The following EBI3 variants were observed in gnomAD, a reference collection of about 807,000 sequenced individuals.
EBI3 encodes the protein Epstein-Barr virus induced 3.
Under a neutral mutation model 21.3 loss-of-function variants are expected in EBI3, and 19 were observed. The ratio of observed to expected loss-of-function variants is 0.89; its 90% CI spans 0.62 to 1.31. The LOEUF (loss-of-function observed/expected upper bound fraction) is 1.31. EBI3 is among the 50% of genes most tolerant of loss of function. The probability of loss-of-function intolerance (pLI) is 0.00; values close to 1 mark genes in which losing one functional copy is unlikely to be tolerated. For synonymous variants in EBI3, 154 were observed against 131.2 expected (o/e 1.17, Z -1.19); for missense variants, 331 against 314.0 (o/e 1.05, Z -0.41).
chr19:4,231,333 C>A lies in EBI3; in HGVS notation c.200+10C>A. ...TCATTGCCACGTACAGGTCGGAGAG[C>A]CTGGAAGGGGGCCTCAGGGACACTG... On this transcript the variant is annotated intron_variant, in intron 2 of 4. Transcript: ENST00000221847. 4 of 1,598,260 alleles carry A rather than the reference C, an allele frequency of 2.5e-6. No homozygotes were observed. The highest frequency in any genetic ancestry group is 1.8e-5 in the Admixed American group (1 of 55,548).
chr19:4,230,540 C>G (rs1017967480), intron 1 of EBI3, among the ~76,000 whole-genome samples: 2 of 151,668 alleles, frequency 1.3e-5, no homozygotes, highest in Non-Finnish European at 1.5e-5. Flanking sequence ...CCACTGCATT[C>G]CAGCCTAGGT....
chr19:4,234,245 C>G (rs116574002), intron 3 of EBI3, among the ~76,000 whole-genome samples: 1 of 152,154 alleles, frequency 6.6e-6, no homozygotes, highest in African/African-American at 2.4e-5. Context: ...GCGGCCACTG[C>G]CATTCCTGCA....
At chr19:4,232,266 GA>G (rs1204554070) in intron 2 of EBI3, among the ~76,000 whole-genome samples, 1 of 115,826 alleles carries the variant, frequency 8.6e-6, no homozygotes, top group Non-Finnish European at 1.8e-5. Context: ...GAAAAGAAAA[GA>G]AAAGAAAAAA....
intron 1 of EBI3, 109 bp downstream of exon 1, chr19:4,229,726 G>A: frequency 8.7e-7 from 1 of 1,147,440 alleles, no homozygotes; most frequent in Non-Finnish European, 1.2e-6. Context: ...GTGCCCAATG[G>A]TGGGATGGGG....
chr19:4,232,551 C>A (rs10402128), intron 2 of EBI3, among the ~76,000 whole-genome samples: 17,177 of 150,642 alleles, frequency 0.11, 1,477 homozygotes, highest in South Asian at 0.31. Flanking sequence ...GACCCCCCCC[C>A]ATCTGTAGAA....
rs766590482 is a variant in EBI3, at chr19:4,233,234, C to T, written c.306C>T (p.Tyr102=). The T allele has an allele frequency of 3.1e-5, 50 of 1,611,544 alleles. No homozygotes were observed. Among genetic ancestry groups the T allele is most frequent in the African/African-American group, 9.4e-5 (7 of 74,826 alleles). The change falls in exon 3 of 5, where the codon TAC becomes TAT. Residue 102 remains tyrosine, a synonymous_variant. Coordinates refer to ENST00000221847, the MANE Select transcript of EBI3 (RefSeq NM_005755.3). ...TDVQLFSMAP[Y]VLNVTAVHPW... is the part of the protein sequence containing the mutation. ...TCCAGCTGTTCTCCATGGCTCCCTA[C>T]GTGCTCAATGTCACCGCCGTCCACC...
chr19:4,233,027 C>T lies in EBI3; in HGVS notation c.201-102C>T. ...CGGGATCCCCATCCGCTGCCCCCTC[C>T]TGTTCCTGCCTCTCCTTGGGGTCCC... On this transcript the variant is annotated intron_variant, in intron 2 of 4. Coordinates refer to ENST00000221847, the MANE Select transcript of EBI3 (RefSeq NM_005755.3). The T allele has an allele frequency of 3.0e-6, 4 of 1,336,224 alleles. No homozygotes were observed. In the South Asian group the frequency reaches 6.5e-5, roughly 22 times the overall value. 82.8% of individuals were successfully genotyped at this position (1,336,224 alleles called of 1,614,324 possible). A position where few individuals can be genotyped will look rare whatever the true frequency, so the allele number is the denominator to read the frequency against.
At chr19:4,230,833 C>T (rs556744428) in intron 1 of EBI3, among the ~76,000 whole-genome samples, 1 of 151,352 alleles carries the variant, frequency 6.6e-6, no homozygotes, top group South Asian at 2.1e-4. Context: ...GCCGAGATCT[C>T]GCCACTGCAC....
At chr19:4,230,203 T>A (rs1298530421) in intron 1 of EBI3, among the ~76,000 whole-genome samples, 1 of 152,102 alleles carries the variant, frequency 6.6e-6, no homozygotes, top group Non-Finnish European at 1.5e-5. Flanking sequence ...GGATGACAGA[T>A]GTGAGCCACC....
At chr19:4,231,923 A>G (rs976445026) in intron 2 of EBI3, among the ~76,000 whole-genome samples, 1 of 151,326 alleles carries the variant, frequency 6.6e-6, no homozygotes, top group Admixed American at 6.6e-5. Context: ...TCTAAAAACA[A>G]TTTTTAAAAT....
At chr19:4,231,817 A>T (rs1970786243) in intron 2 of EBI3, among the ~76,000 whole-genome samples, 1 of 151,436 alleles carries the variant, frequency 6.6e-6, no homozygotes. Context: ...ACAGTGGCAC[A>T]TGCCTGTAAT....
Position 4,233,136 on chromosome 19 carries a change from A to C in EBI3, c.208A>C (p.Met70Leu), listed in dbSNP as rs368907016. ...VSFIATYRLG[M>L]AARGHSWPCL... ...GAGCCCCACCCTGTGCAGGCTCGGC[A>C]TGGCTGCCCGGGGCCACAGCTGGCC... The change falls in exon 3 of 5, where the codon ATG (methionine) becomes CTG (leucine). Residue 70 changes from methionine (M) to leucine (L), a missense_variant. Met to Leu is a conservative substitution (Grantham distance 15, BLOSUM62 2). Transcript: ENST00000221847. The C allele has an allele frequency of 7.5e-6, 12 of 1,593,890 alleles. No individual in the cohort carries two copies. The African/African-American group carries it at 9.4e-5, about 12-fold the overall frequency.
Position 4,231,112 on chromosome 19 carries a change from G to A in EBI3, c.68-79G>A, listed in dbSNP as rs1383338390. The A allele has an allele frequency of 1.4e-5, 20 of 1,454,944 alleles. No homozygotes were observed. In the East Asian group the frequency reaches 1.5e-4, roughly 11 times the overall value. The allele number at this position is 1,454,944 out of a possible 1,614,324, so 90.1% of individuals were successfully genotyped here. On this transcript the variant is annotated intron_variant, in intron 1 of 4. Transcript: ENST00000221847. The stretch of plus-strand genomic sequence containing the variant: ...CATGTACCTGGTGCTGGCTGGCAAC[G>A]TGGCAGGAGCCCAGCGCACGGGAGG...
intron 4 of EBI3, among the ~76,000 whole-genome samples, chr19:4,236,656 C>T (rs1204544329): frequency 6.6e-6 from 1 of 151,704 alleles, no homozygotes; most frequent in Non-Finnish European, 1.5e-5. Context: ...TCAGGGATGT[C>T]CTGATGAACA....
chr19:4,232,222 C>CAA (rs71166979), intron 2 of EBI3, among the ~76,000 whole-genome samples: 17 of 57,812 alleles, frequency 2.9e-4, no homozygotes, highest in African/African-American at 1.1e-3. Flanking sequence ...GACCCCGTCT[C>CAA]AAAAAAAAAA....
In EBI3 at chr19:4,237,294, TCCTTTA is replaced by T. The variant is rs985733182; in HGVS notation, c.*221_*226del. On this transcript the variant is annotated 3_prime_UTR_variant, in exon 5 of 5. Transcript: ENST00000221847. ...TGAGAAATGGAGATGTACTACTCTCTCCTTTACCTTTACCTTTACCACAGTGCAGGG... is the reference window on the plus strand; with the variant it reads ...TGAGAAATGGAGATGTACTACTCTCTCCTTTACCTTTACCACAGTGCAGGG... 6.6e-5 allele frequency: 31 copies of T among 470,298 alleles called. No individual in the cohort carries two copies. The highest frequency in any genetic ancestry group is 5.6e-4 in the Middle Eastern group (1 of 1,800). The allele number at this position is 470,298 out of a possible 1,614,324, so 29.1% of individuals were successfully genotyped here.
Position 4,234,717 on chromosome 19 carries a change from C to G in EBI3, c.430C>G (p.Gln144Glu). Residue 144 changes from glutamine to glutamate, a missense_variant, in exon 4 of 5, where the codon CAG becomes GAG. Transcript: ENST00000221847. ...GCGCCTAAGCCCCCTCGCTGAGCGC[C>G]AGCTACAGGTGCAGTGGGAGCCTCC... ...GVRLSPLAER[Q>E]LQVQWEPPGS... 6.2e-7 allele frequency: 1 copy of G among 1,614,156 alleles called. No individual in the cohort carries two copies. Among genetic ancestry groups the G allele is most frequent in the Non-Finnish European group, 8.5e-7 (1 of 1,180,036 alleles).
chr19:4,237,019 C>T lies in EBI3; in HGVS notation c.621C>T (p.Asp207=), dbSNP rs1970845502. 6.3e-7 allele frequency: 1 copy of T among 1,582,224 alleles called. No individual in the cohort carries two copies. The highest frequency in any genetic ancestry group is 8.6e-7 in the Non-Finnish European group (1 of 1,161,712). The change falls in exon 5 of 5, where the codon GAC becomes GAT. Residue 207 remains aspartate (D), a synonymous_variant. Coordinates refer to ENST00000221847, the MANE Select transcript of EBI3 (RefSeq NM_005755.3). ...ACTACGTCCAAGTGGCGGCTCAGGA[C>T]CTCACAGACTACGGGGAACTGAGTG... ...ARYYVQVAAQ[D]LTDYGELSDW... is the part of the protein sequence containing the mutation.
At chr19:4,229,754 AG>A in intron 1 of EBI3, 137 bp downstream of exon 1, 1 of 897,570 alleles carries the variant, frequency 1.1e-6, no homozygotes, top group Non-Finnish European at 1.6e-6. Flanking sequence ...CCCATTGTAC[AG>A]ATGGAGGAAC....
Sources: allele counts gnomAD v4.1 joint callset (sites outside exome capture counted in the v4.1 genomes callset), GRCh38; gene constraint gnomAD v4.1.1; transcripts MANE v1.5; gene names NCBI Gene and HGNC (gene_info 2026-07-23, HGNC 2026-07-21).